The following DIPK1A variants were observed in gnomAD, a reference collection of about 807,000 sequenced individuals.
DIPK1A encodes divergent protein kinase domain 1A.
Under a neutral mutation model 40.8 loss-of-function variants are expected in DIPK1A, and 27 were observed. The ratio of observed to expected loss-of-function variants is 0.66; its 90% confidence interval spans 0.49 to 0.91. The LOEUF is 0.91. Among genes scored for constraint, DIPK1A ranks in the 40% least tolerant of loss-of-function variants. The probability of loss-of-function intolerance (pLI) is 0.00; values close to 1 mark genes in which losing one functional copy is unlikely to be tolerated. For synonymous variants in DIPK1A, 166 were observed against 171.3 expected (o/e 0.97, Z 0.24); for missense variants, 412 against 505.7 (o/e 0.81, Z 1.78).
intron 1 of DIPK1A, among the ~76,000 whole-genome samples, chr1:92,927,364 GT>G (rs61508867): frequency 0.44 from 46,886 of 105,754 alleles, 8,347 homozygotes; most frequent in Admixed American, 0.48. Flanking sequence ...CAATTTTGTT[GT>G]TTTTTTTTTT....
chr1:92,925,874 A>T (rs555136587), intron 1 of DIPK1A, among the ~76,000 whole-genome samples: 7 of 152,332 alleles, frequency 4.6e-5, no homozygotes, highest in Non-Finnish European at 7.4e-5. Context: ...CATCGAAGGC[A>T]TCAAATTTAT....
chr1:92,956,658 T>G (rs1651867830), intron 1 of DIPK1A, among the ~76,000 whole-genome samples: 1 of 152,242 alleles, frequency 6.6e-6, no homozygotes, highest in African/African-American at 2.4e-5. Context: ...TGTCTGGCAC[T>G]AAATCTCACA....
intron 1 of DIPK1A, among the ~76,000 whole-genome samples, chr1:92,922,784 G>A (rs778394584): frequency 7.2e-5 from 11 of 152,130 alleles, no homozygotes; most frequent in Non-Finnish European, 1.0e-4. Context: ...TGTAACCTTC[G>A]AGAATGAAAC....
chr1:92,904,814 C>A (rs377708003), intron 1 of DIPK1A, among the ~76,000 whole-genome samples: 1 of 152,026 alleles, frequency 6.6e-6, no homozygotes, highest in Non-Finnish European at 1.5e-5. Flanking sequence ...ACCCCACTAC[C>A]TTTCCCAGTC....
rs186077117 is a variant in DIPK1A at position 92,905,830 on chromosome 1, C to A, written c.55-29400G>T. 2.1e-3 allele frequency among the ~76,000 whole-genome samples: 326 copies of A among 152,170 alleles called. 3 individuals carry two copies. The Middle Eastern group carries it at 0.024, about 11-fold the overall frequency. On this transcript the variant is annotated intron_variant, in intron 1 of 4. Coordinates refer to ENST00000370310, the MANE Select transcript of DIPK1A (RefSeq NM_001006605.5). ...TGAGAGATAGGGGTCTAGTTTAATT[C>A]TTCTGCATAAGGATATCCAGTTTTC...
In DIPK1A at chr1:92,843,056, C is replaced by G; in HGVS notation, c.*327G>C. The G allele has an allele frequency of 2.0e-6, 2 of 1,017,798 alleles. No homozygotes were observed. Among genetic ancestry groups the G allele is most frequent in the Non-Finnish European group, 2.3e-6 (2 of 851,588 alleles). 63.0% of individuals were successfully genotyped at this position (1,017,798 alleles called of 1,614,324 possible). On this transcript the variant is annotated 3_prime_UTR_variant, in exon 5 of 5. Transcript: ENST00000370310. The stretch of plus-strand genomic sequence containing the variant: ...AATGCTTCCAGCATTGGTATTTTGG[C>G]TAAGGTAAATCTACAAATCACTCAC...
intron 1 of DIPK1A, among the ~76,000 whole-genome samples, chr1:92,951,236 G>C (rs1397450217): frequency 6.6e-6 from 1 of 152,166 alleles, no homozygotes; most frequent in Non-Finnish European, 1.5e-5. Flanking sequence ...TGAAACAAAG[G>C]ACTCCACCCA....
intron 1 of DIPK1A, chr1:92,932,027 G>T: frequency 1.9e-6 from 1 of 540,240 alleles, no homozygotes. Flanking sequence ...AGAAAATTTG[G>T]GTTTGAAGAA....
chr1:92,833,306 T>C, intron 4 of DIPK1A: 1 of 1,136,508 alleles, frequency 8.8e-7, no homozygotes, highest in Non-Finnish European at 1.3e-6. Context: ...AGTTCAAGTG[T>C]TACTTTGTTA....
chr1:92,873,025 A>C (rs917231167), intron 2 of DIPK1A, among the ~76,000 whole-genome samples: 2 of 152,148 alleles, frequency 1.3e-5, no homozygotes, highest in African/African-American at 4.8e-5. Context: ...GCTTTCCGCC[A>C]ACATAAGGTT....
At chr1:92,913,584 A>G (rs1384087260) in intron 1 of DIPK1A, among the ~76,000 whole-genome samples, 1 of 152,228 alleles carries the variant, frequency 6.6e-6, no homozygotes, top group Non-Finnish European at 1.5e-5. Flanking sequence ...AGCAAATTAA[A>G]TAATCTCTAA....
chr1:92,915,670 T>C (rs1268841503), intron 1 of DIPK1A, among the ~76,000 whole-genome samples: 1 of 152,158 alleles, frequency 6.6e-6, no homozygotes, highest in Non-Finnish European at 1.5e-5. Flanking sequence ...CATTGCTAGT[T>C]GGGATGTAAA....
At chr1:92,947,544 CA>C (rs1651423647) in intron 1 of DIPK1A, among the ~76,000 whole-genome samples, 1 of 152,030 alleles carries the variant, frequency 6.6e-6, no homozygotes, top group Non-Finnish European at 1.5e-5. Context: ...GGAGGTTCTT[CA>C]AAAAAACTAC....
intron 1 of DIPK1A, chr1:92,933,381 G>A (rs908582539): frequency 6.6e-6 from 1 of 152,162 alleles, no homozygotes; most frequent in Non-Finnish European, 1.5e-5. Context: ...AGTATATAAT[G>A]CCATAACAAA....
In DIPK1A at chr1:92,842,669, A is replaced by G; in HGVS notation, c.*714T>C. The G allele has an allele frequency of 3.0e-6, 3 of 985,446 alleles. No individual in the cohort carries two copies. Among genetic ancestry groups the G allele is most frequent in the Non-Finnish European group, 3.6e-6 (3 of 829,938 alleles). The allele number at this position is 985,446 out of a possible 1,614,324, so 61.0% of individuals were successfully genotyped here. A position where few individuals can be genotyped will look rare whatever the true frequency, so the allele number is the denominator to read the frequency against. On this transcript the variant is annotated 3_prime_UTR_variant, in exon 5 of 5. Transcript: ENST00000370310. Reference sequence around the variant, plus strand: ...ATATGTGGATCTTGATTGGGCCTTAAGATGTCAGTTTTGAAGGGCTCAGTC... The same window carrying G: ...ATATGTGGATCTTGATTGGGCCTTAGGATGTCAGTTTTGAAGGGCTCAGTC...
intron 4 of DIPK1A, chr1:92,834,077 C>G: frequency 3.9e-6 from 1 of 257,326 alleles, no homozygotes. Context: ...ACCTAGGTGA[C>G]AGAGCAAGAC....
At chr1:92,833,293 T>G (rs1013654956) in intron 4 of DIPK1A, 1 of 1,008,704 alleles carries the variant, frequency 9.9e-7, no homozygotes, top group African/African-American at 1.6e-5. Context: ...TGTTTACTCT[T>G]GAAGTTCAAG....
chr1:92,948,922 A>AGCC (rs1036199649), intron 1 of DIPK1A, among the ~76,000 whole-genome samples: 3 of 151,084 alleles, frequency 2.0e-5, no homozygotes, highest in Admixed American at 1.3e-4. Context: ...CTCCTGCCTC[A>AGCC]GCCTCACAAG....
intron 4 of DIPK1A, chr1:92,833,787 T>A: frequency 1.3e-6 from 1 of 759,002 alleles, no homozygotes; most frequent in Non-Finnish European, 2.2e-6. Flanking sequence ...GAATAATTTT[T>A]CCTTTTAGTA....
Sources: gnomAD v4.1 joint callset for allele counts (sites outside exome capture counted in the v4.1 genomes callset) on GRCh38, gnomAD v4.1.1 for gene constraint, MANE v1.5 for transcripts, NCBI Gene and HGNC (gene_info 2026-07-23, HGNC 2026-07-21) for gene names.